Variants in CD200R1 observed in about 807,000 individuals in gnomAD.
CD200R1 encodes CD200 receptor 1.
A neutral mutation model predicts 38.1 loss-of-function variants in CD200R1; 30 were observed. That is an observed-to-expected ratio of 0.79 (90% CI 0.59 to 1.07). The LOEUF (loss-of-function observed/expected upper bound fraction) is 1.07. Ranked by LOEUF, CD200R1 falls within the 50% of genes least tolerant of loss-of-function variation. The pLI, the probability that CD200R1 is intolerant of heterozygous loss-of-function variation, is 0.00. For missense variants in CD200R1, 372 were observed against 415.4 expected (o/e 0.90, Z 0.91); for synonymous variants, 128 against 152.1 (o/e 0.84, Z 1.16).
intron 1 of CD200R1, among the ~76,000 whole-genome samples, chr3:112,961,847 G>T (rs1027170474): frequency 6.6e-6 from 1 of 152,076 alleles, no homozygotes; most frequent in Non-Finnish European, 1.5e-5. Context: ...GAAAAAATGG[G>T]CAAAGGTATG....
chr3:112,922,384 C>T lies in CD200R1; in HGVS notation c.*1293G>A, dbSNP rs1056375638. The T allele has an allele frequency of 6.6e-6, 1 of 151,794 alleles. No homozygotes were observed. 9.4% of individuals were successfully genotyped at this position (151,794 alleles called of 1,614,324 possible). ...TAAACATTGCCAATATTTTGCTCCA[C>T]AAAAATATGGAGGGGAGGGTCATGC... is the stretch of plus-strand genomic sequence containing the variant. On this transcript the variant is annotated 3_prime_UTR_variant, in exon 8 of 8. Transcript: ENST00000308611.
chr3:112,928,979 G>A lies in CD200R1; in HGVS notation c.606C>T (p.Ser202=). The A allele has an allele frequency of 3.7e-6, 6 of 1,614,016 alleles. No homozygotes were observed. The highest frequency in any genetic ancestry group is 5.1e-6 in the Non-Finnish European group (6 of 1,179,994). ...AVAGKPAAHI[S]WIPEGDCATK... ...TGGCACAATCGCCCTCTGGGATCCA[G>A]GAGATATGCGCAGCTGGCTTCCCTG... The change falls in exon 5 of 8, where the codon TCC becomes TCT. Residue 202 remains serine, a synonymous_variant. Coordinates refer to ENST00000308611, the MANE Select transcript of CD200R1 (RefSeq NM_138806.4).
chr3:112,967,614 G>A (rs565306616), intron 1 of CD200R1, among the ~76,000 whole-genome samples: 24 of 152,314 alleles, frequency 1.6e-4, no homozygotes, highest in African/African-American at 5.8e-4. Context: ...GAAGCACAGT[G>A]ACTGATACAT....
At chr3:112,930,226 AGT>A (rs1195975521) in intron 3 of CD200R1, among the ~76,000 whole-genome samples, 1 of 152,148 alleles carries the variant, frequency 6.6e-6, no homozygotes. Context: ...GTGAAAATAT[AGT>A]GTGATATATA....
chr3:112,924,565 G>A (rs1001173342), intron 6 of CD200R1, 30 bp from the exon 7 acceptor site: 25 of 1,120,350 alleles, frequency 2.2e-5, no homozygotes, highest in Non-Finnish European at 2.4e-5. Flanking sequence ...TGAAGTGAAT[G>A]GAGGAAACAT....
At chr3:112,954,774 T>C (rs1392477267) in intron 1 of CD200R1, among the ~76,000 whole-genome samples, 1 of 152,206 alleles carries the variant, frequency 6.6e-6, no homozygotes, top group Non-Finnish European at 1.5e-5. Context: ...CACTTTTTCA[T>C]CTGTATCCTT....
At chr3:112,924,155 A>G (rs758888496) in intron 7 of CD200R1, among the ~76,000 whole-genome samples, 10 of 151,868 alleles carry the variant, frequency 6.6e-5, no homozygotes, top group Non-Finnish European at 8.8e-5. Context: ...AAAAATAATG[A>G]TAGTATTGAA....
intron 1 of CD200R1, among the ~76,000 whole-genome samples, chr3:112,956,747 G>A (rs979601371): frequency 1.3e-5 from 2 of 152,170 alleles, no homozygotes; most frequent in Non-Finnish European, 1.5e-5. Context: ...TGGAGCACTA[G>A]GAGCATCCTA....
intron 1 of CD200R1, among the ~76,000 whole-genome samples, chr3:112,971,355 G>A (rs773617100): frequency 6.6e-6 from 1 of 152,048 alleles, no homozygotes; most frequent in Non-Finnish European, 1.5e-5. Flanking sequence ...ATTTTCAACT[G>A]AAGTTGGTTG....
At chr3:112,959,476 G>A (rs1050891248) in intron 1 of CD200R1, among the ~76,000 whole-genome samples, 8 of 152,038 alleles carry the variant, frequency 5.3e-5, no homozygotes, top group Admixed American at 6.6e-5. Flanking sequence ...TTCTTTATAG[G>A]ACTTGGGGCC....
At chr3:112,937,649 G>T (rs1299814147) in intron 2 of CD200R1, among the ~76,000 whole-genome samples, 2 of 151,526 alleles carry the variant, frequency 1.3e-5, no homozygotes, top group Non-Finnish European at 3.0e-5. Flanking sequence ...TGTTCTTTTT[G>T]CTGAGAATTG....
intron 1 of CD200R1, among the ~76,000 whole-genome samples, chr3:112,954,090 C>T (rs895087516): frequency 1.3e-5 from 2 of 152,042 alleles, no homozygotes; most frequent in African/African-American, 4.8e-5. Context: ...CTTATAGCTG[C>T]TTTTGCTGTA....
chr3:112,974,119 G>A (rs1032561587), intron 1 of CD200R1, among the ~76,000 whole-genome samples: 10 of 151,958 alleles, frequency 6.6e-5, no homozygotes, highest in African/African-American at 1.9e-4. Context: ...ATGAGTTAGC[G>A]TTCTTATCTT....
chr3:112,952,976 T>C (rs1941003054), intron 1 of CD200R1, among the ~76,000 whole-genome samples: 1 of 152,102 alleles, frequency 6.6e-6, no homozygotes, highest in Non-Finnish European at 1.5e-5. Context: ...ATTAACAACT[T>C]TATGCTTCCA....
At position 112,955,887 on chromosome 3, in the gene CD200R1, C is replaced by T. The variant is rs143606425; in HGVS notation, c.68-7963G>A. The stretch of plus-strand genomic sequence containing the variant: ...GTCCACTTCTAGGTACATTTGAGCC[C>T]GTTTTTATGTTATGTTATTGCTTCT... On this transcript the variant is annotated intron_variant, in intron 1 of 7. Transcript: ENST00000308611. 1.1e-4 allele frequency among the ~76,000 whole-genome samples: 17 copies of T among 151,676 alleles called. No individual in the cohort carries two copies. The East Asian group carries it at 3.1e-3, about 28-fold the overall frequency.
intron 5 of CD200R1, among the ~76,000 whole-genome samples, chr3:112,926,381 T>C (rs767987885): frequency 6.6e-6 from 1 of 152,204 alleles, no homozygotes; most frequent in East Asian, 1.9e-4. Context: ...ATATGTTATA[T>C]GAAAATTAAA....
intron 1 of CD200R1, among the ~76,000 whole-genome samples, chr3:112,968,743 T>C (rs1011786142): frequency 1.3e-5 from 2 of 152,204 alleles, no homozygotes; most frequent in Non-Finnish European, 2.9e-5. Flanking sequence ...CCCATATCTC[T>C]GATGACTCTA....
At chr3:112,938,504 T>C (rs1395869339) in intron 2 of CD200R1, among the ~76,000 whole-genome samples, 1 of 151,996 alleles carries the variant, frequency 6.6e-6, no homozygotes, top group Non-Finnish European at 1.5e-5. Flanking sequence ...TTCAAAAGAT[T>C]AGAGAAAACT....
chr3:112,952,792 T>TAATA (rs1015654641), intron 1 of CD200R1, among the ~76,000 whole-genome samples: 4 of 151,912 alleles, frequency 2.6e-5, no homozygotes, highest in Admixed American at 6.6e-5. Flanking sequence ...ATAATAATAA[T>TAATA]AATAAATAAA....
Sources: gnomAD v4.1 joint callset for allele counts (sites outside exome capture counted in the v4.1 genomes callset) on GRCh38, gnomAD v4.1.1 for gene constraint, MANE v1.5 for transcripts, NCBI Gene and HGNC (gene_info 2026-07-23, HGNC 2026-07-21) for gene names.